RIT2: variants seen among roughly 807,000 people sequenced by gnomAD.
RIT2 encodes GTP-binding protein Rit2.
A neutral mutation model predicts 23.7 loss-of-function variants in RIT2; 24 were observed. The ratio of observed to expected loss-of-function variants is 1.01; its 90% CI spans 0.73 to 1.43. RIT2 has a LOEUF of 1.43. Ranked by LOEUF, RIT2 falls within the 40% of genes most tolerant of loss-of-function variation. The pLI, the probability that RIT2 is intolerant of heterozygous loss-of-function variation, is 0.00. For missense variants in RIT2, 236 were observed against 266.9 expected (o/e 0.88, Z 0.81); for synonymous variants, 107 against 91.1 (o/e 1.17, Z -0.99).
chr18:43,042,693 A>G (rs1912156451), intron 1 of RIT2, among the ~76,000 whole-genome samples: 1 of 152,202 alleles, frequency 6.6e-6, no homozygotes, highest in Non-Finnish European at 1.5e-5. Context: ...GATAGTTGGG[A>G]TATGTCAATG....
At chr18:42,950,754 TA>T (rs60470540) in intron 3 of RIT2, among the ~76,000 whole-genome samples, 263 of 149,834 alleles carry the variant, frequency 1.8e-3, no homozygotes, top group African/African-American at 5.1e-3. Context: ...AACAGACATT[TA>T]AAAAAAAATG....
At chr18:42,972,537 G>A (rs1274783025) in intron 3 of RIT2, among the ~76,000 whole-genome samples, 1 of 151,624 alleles carries the variant, frequency 6.6e-6, no homozygotes, top group Non-Finnish European at 1.5e-5. Flanking sequence ...ACATGATGTA[G>A]GTTTTCAACT....
chr18:43,097,582 C>A (rs1447355234), intron 1 of RIT2, among the ~76,000 whole-genome samples: 1 of 151,820 alleles, frequency 6.6e-6, no homozygotes, highest in Non-Finnish European at 1.5e-5. Context: ...ATAAGGTATA[C>A]TTGGGAGACA....
At chr18:42,811,500 G>C (rs939614267) in intron 4 of RIT2, among the ~76,000 whole-genome samples, 45 of 152,166 alleles carry the variant, frequency 3.0e-4, no homozygotes, top group Middle Eastern at 3.4e-3. Flanking sequence ...TCTGACAAGA[G>C]TTCCAAAACT....
At chr18:42,897,355 G>A (rs1460023923) in intron 4 of RIT2, among the ~76,000 whole-genome samples, 1 of 152,172 alleles carries the variant, frequency 6.6e-6, no homozygotes, top group African/African-American at 2.4e-5. Context: ...GCAGGGGGAA[G>A]TGGGTTTGAC....
At chr18:42,904,946 A>T (rs1236726413) in intron 4 of RIT2, among the ~76,000 whole-genome samples, 1 of 152,192 alleles carries the variant, frequency 6.6e-6, no homozygotes, top group Non-Finnish European at 1.5e-5. Flanking sequence ...AAATTCAATA[A>T]CTAGGACATA....
At chr18:42,993,880 G>A (rs1910914210) in intron 2 of RIT2, among the ~76,000 whole-genome samples, 1 of 152,012 alleles carries the variant, frequency 6.6e-6, no homozygotes, top group Non-Finnish European at 1.5e-5. Context: ...CCATCCCACA[G>A]CATGCTTTAA....
At chr18:42,905,644 T>C (rs1908592460) in intron 4 of RIT2, among the ~76,000 whole-genome samples, 1 of 152,180 alleles carries the variant, frequency 6.6e-6, no homozygotes, top group African/African-American at 2.4e-5. Context: ...GGCTAATTTT[T>C]GTGTTTTTAG....
chr18:42,785,393 T>C (rs1395090738), intron 4 of RIT2, among the ~76,000 whole-genome samples: 1 of 152,018 alleles, frequency 6.6e-6, no homozygotes. Context: ...GTACATGGAG[T>C]TGAGAGATTA....
chr18:42,785,577 C>A (rs1170544129), intron 4 of RIT2, among the ~76,000 whole-genome samples: 1 of 151,588 alleles, frequency 6.6e-6, no homozygotes, highest in Non-Finnish European at 1.5e-5. Context: ...TGAGAGTGAC[C>A]CAAATTTTAA....
intron 1 of RIT2, among the ~76,000 whole-genome samples, chr18:43,096,424 G>A (rs1913554872): frequency 6.6e-6 from 1 of 151,782 alleles, no homozygotes; most frequent in Admixed American, 6.6e-5. Context: ...TACACCATGT[G>A]TATAATATCA....
chr18:43,081,222 T>C (rs753545625), intron 1 of RIT2, among the ~76,000 whole-genome samples: 4 of 152,220 alleles, frequency 2.6e-5, no homozygotes, highest in African/African-American at 7.2e-5. Flanking sequence ...AACTTACTTA[T>C]GTTTACATAA....
At chr18:42,748,687 C>T (rs79291510) in intron 4 of RIT2, among the ~76,000 whole-genome samples, 3,835 of 151,776 alleles carry the variant, frequency 0.025, 162 homozygotes, top group African/African-American at 0.085. Context: ...ATGAAACCAG[C>T]GCAGAAAACA....
intron 4 of RIT2, among the ~76,000 whole-genome samples, chr18:42,786,366 A>T (rs958767090): frequency 1.4e-4 from 21 of 152,232 alleles, no homozygotes; most frequent in Non-Finnish European, 2.4e-4. Flanking sequence ...AACTGACACA[A>T]CACATTGTTA....
At chr18:42,933,744 G>T (rs1909384201) in intron 3 of RIT2, among the ~76,000 whole-genome samples, 2 of 152,226 alleles carry the variant, frequency 1.3e-5, no homozygotes, top group Admixed American at 1.3e-4. Context: ...TCCTGGCCGG[G>T]TGTGGTGGCT....
chr18:42,755,410 C>G (rs186129412), intron 4 of RIT2, among the ~76,000 whole-genome samples: 86 of 152,202 alleles, frequency 5.7e-4, no homozygotes, highest in African/African-American at 1.9e-3. Context: ...CCCTACAGGT[C>G]TCCTCCTGGC....
At chr18:42,870,391 C>T (rs924782375) in intron 4 of RIT2, among the ~76,000 whole-genome samples, 2 of 152,090 alleles carry the variant, frequency 1.3e-5, no homozygotes, top group Non-Finnish European at 2.9e-5. Context: ...CAGGTGCATG[C>T]AACCACGCCT....
intron 2 of RIT2, among the ~76,000 whole-genome samples, chr18:43,014,730 G>C (rs1474688814): frequency 6.6e-6 from 1 of 151,516 alleles, no homozygotes; most frequent in African/African-American, 2.4e-5. Context: ...CACAAAATAA[G>C]AGTGCAGGAA....
chr18:42,935,693 G>T (rs1254327445), intron 3 of RIT2, among the ~76,000 whole-genome samples: 2 of 152,092 alleles, frequency 1.3e-5, no homozygotes, highest in Non-Finnish European at 2.9e-5. Flanking sequence ...TTGGCGTGTG[G>T]AACAAAGAAT....
Sources: allele counts gnomAD v4.1 joint callset (sites outside exome capture counted in the v4.1 genomes callset), GRCh38; gene constraint gnomAD v4.1.1; transcripts MANE v1.5; gene names NCBI Gene and HGNC (gene_info 2026-07-23, HGNC 2026-07-21).